Variants in PRDM1 observed in about 807,000 individuals in gnomAD.
PRDM1 encodes PR domain zinc finger protein 1.
In PRDM1, 13 loss-of-function variants were observed where a neutral mutation model predicts 62.8. That is an observed-to-expected ratio of 0.21 (90% CI 0.13 to 0.33). The LOEUF is 0.33. PRDM1 is among the 10% of genes least tolerant of loss of function. PRDM1 has a pLI of 1.00. For synonymous variants in PRDM1, 396 were observed against 417.6 expected (o/e 0.95, Z 0.63); for missense variants, 895 against 1,058.8 (o/e 0.85, Z 2.15).
chr6:106,006,436 G>A (rs1462952509), intron 1 of PRDM1, among the ~76,000 whole-genome samples: 4 of 148,352 alleles, frequency 2.7e-5, no homozygotes, highest in Non-Finnish European at 4.6e-5. Context: ...CATTAGTCTC[G>A]TGGGGTGAAC....
At chr6:106,084,521 T>C (rs1582456924), upstream of PRDM1, among the ~76,000 whole-genome samples, 1 of 152,220 alleles carries the variant, frequency 6.6e-6, no homozygotes, top group East Asian at 1.9e-4. Context: ...CATGGTTGAC[T>C]CACCAGCAGT....
At chr6:106,077,317 C>T (rs1051496521) in intron 1 of PRDM1, among the ~76,000 whole-genome samples, 1 of 152,118 alleles carries the variant, frequency 6.6e-6, no homozygotes, top group Non-Finnish European at 1.5e-5. Context: ...TTTCAGATAC[C>T]GATGATTATG....
chr6:106,102,226 T>C (rs1774292832), intron 4 of PRDM1, among the ~76,000 whole-genome samples: 1 of 152,208 alleles, frequency 6.6e-6, no homozygotes, highest in African/African-American at 2.4e-5. Flanking sequence ...CCTACAGCCA[T>C]TTAAGATTTC....
rs1363307757 is a variant in PRDM1 at position 105,994,643 on chromosome 6, C to A, written c.-67+1004C>A. ...TCTCGAGATAGGTTTAGAGCCCGTC[C>A]TTTTGTCTGGAGTGTCGCGGGACTC... On this transcript the variant is annotated intron_variant, in intron 1 of 6. Transcript: ENST00000652320. This position sits in a 1 kb window ranked among gnomAD's most constrained non-coding sequence, Gnocchi z 4.1. Among the ~76,000 whole-genome samples the A allele has an allele frequency of 6.6e-6, 1 of 152,176 alleles. No homozygotes were observed. Among genetic ancestry groups the A allele is most frequent in the Non-Finnish European group, 1.5e-5 (1 of 68,028 alleles).
intron 1 of PRDM1, among the ~76,000 whole-genome samples, chr6:106,049,195 A>C (rs1773131336): frequency 6.6e-6 from 1 of 152,184 alleles, no homozygotes; most frequent in Admixed American, 6.5e-5. Context: ...GAGAGAGAGA[A>C]CAGAGAGAAC....
chr6:106,109,002 CTATT>C lies in PRDM1; in HGVS notation c.*1520_*1523del, dbSNP rs1774602108. On this transcript the variant is annotated 3_prime_UTR_variant, in exon 7 of 7. Transcript: ENST00000369096. ...CAAAAAATGATGTATATTTATAAAT[CTATT>C]TATACCACTATATCATATGTATATA... The C allele has an allele frequency of 5.4e-6, 1 of 183,924 alleles. No homozygotes were observed. Among genetic ancestry groups the C allele is most frequent in the Non-Finnish European group, 1.1e-5 (1 of 91,294 alleles). 11.4% of individuals were successfully genotyped at this position (183,924 alleles called of 1,614,324 possible). A position where few individuals can be genotyped will look rare whatever the true frequency, so the allele number is the denominator to read the frequency against.
At chr6:106,095,536 A>T in intron 2 of PRDM1, 79 bp from the exon 3 acceptor site, 2 of 1,499,026 alleles carry the variant, frequency 1.3e-6, no homozygotes, top group Non-Finnish European at 1.8e-6. Flanking sequence ...ACTACTTGAC[A>T]GTCCAATTTA....
chr6:106,007,172 C>T (rs571128927), intron 1 of PRDM1, among the ~76,000 whole-genome samples: 103 of 152,056 alleles, frequency 6.8e-4, no homozygotes, highest in African/African-American at 2.4e-3. Context: ...TGGCTCACAC[C>T]TGTAATCCCA....
chr6:106,038,014 C>CTT (rs1227783243), intron 1 of PRDM1, among the ~76,000 whole-genome samples: 1,497 of 47,754 alleles, frequency 0.031, 426 homozygotes, highest in African/African-American at 0.11. Context: ...CTATTTTTGT[C>CTT]TTTTTTTTTT....
chr6:106,075,944 T>TA (rs1281522828), intron 1 of PRDM1, among the ~76,000 whole-genome samples: 60 of 146,894 alleles, frequency 4.1e-4, no homozygotes, highest in Admixed American at 7.4e-4. Flanking sequence ...CAGGGAAAAT[T>TA]AAAAAAAAAA....
Position 106,104,839 on chromosome 6 carries a change from A to C in PRDM1, c.679A>C (p.Ser227Arg). ...TMMNLTQTQS[S>R]LKQPSTEKNE... ...CTTTATTTCAGCACAAACACAGAGC[A>C]GTCTAAAGCAACCGAGCACTGAGAA... The change falls in exon 5 of 7, where the codon AGT becomes CGT. Residue 227 changes from serine to arginine, a missense_variant. This residue lies in a region of PRDM1 where 444 missense variants were observed against 422.7 expected (regional missense o/e 1.05). Transcript: ENST00000369096. 1.2e-6 allele frequency: 2 copies of C among 1,612,908 alleles called. No homozygotes were observed. The highest frequency in any genetic ancestry group is 1.7e-6 in the Non-Finnish European group (2 of 1,179,668).
intron 1 of PRDM1, among the ~76,000 whole-genome samples, chr6:106,002,508 G>A (rs1772438535): frequency 6.6e-6 from 1 of 152,050 alleles, no homozygotes; most frequent in African/African-American, 2.4e-5. Flanking sequence ...TCGTCCTTAA[G>A]GCATCTAATA....
upstream of PRDM1, among the ~76,000 whole-genome samples, chr6:106,044,294 A>C (rs2114577907): frequency 1.3e-5 from 2 of 148,662 alleles, no homozygotes; most frequent in African/African-American, 5.0e-5. Flanking sequence ...CTCTTTCTTG[A>C]ACTGTTTAGA....
chr6:106,033,076 T>C (rs2114568858), intron 1 of PRDM1, among the ~76,000 whole-genome samples: 1 of 152,274 alleles, frequency 6.6e-6, no homozygotes, highest in East Asian at 1.9e-4. Context: ...GGGTAGTTTT[T>C]TTTTTTCAAT....
intron 1 of PRDM1, among the ~76,000 whole-genome samples, chr6:106,058,456 G>A (rs892745558): frequency 2.0e-5 from 3 of 152,184 alleles, no homozygotes; most frequent in African/African-American, 7.2e-5. Context: ...GGGCTTAGGA[G>A]TTCAGCATGT....
chr6:106,039,743 T>C (rs1040614638), intron 1 of PRDM1, among the ~76,000 whole-genome samples: 1 of 152,248 alleles, frequency 6.6e-6, no homozygotes, highest in Admixed American at 6.5e-5. Context: ...TAAAATAAGC[T>C]AGTTTGTGAA....
intron 4 of PRDM1, among the ~76,000 whole-genome samples, chr6:106,104,268 A>G (rs1030440830): frequency 7.3e-5 from 11 of 150,656 alleles, no homozygotes; most frequent in South Asian, 2.1e-4. Context: ...CTGGAGTGCA[A>G]TGGCACAATC....
At chr6:106,009,449 A>G (rs757136947) in intron 1 of PRDM1, among the ~76,000 whole-genome samples, 1 of 152,166 alleles carries the variant, frequency 6.6e-6, no homozygotes, top group African/African-American at 2.4e-5. Flanking sequence ...TAGGCAAACA[A>G]TTCCCCCCAG....
chr6:106,004,654 A>G (rs1483866038), intron 1 of PRDM1, among the ~76,000 whole-genome samples: 1 of 152,186 alleles, frequency 6.6e-6, no homozygotes, highest in African/African-American at 2.4e-5. Context: ...CAAAATATGG[A>G]TTAATTTTTT....
Sources: allele counts gnomAD v4.1 joint callset (sites outside exome capture counted in the v4.1 genomes callset), GRCh38; gene constraint gnomAD v4.1.1; regional missense constraint gnomAD v4.1.1; non-coding constraint Gnocchi (gnomAD v3.1); transcripts MANE v1.5; gene names NCBI Gene and HGNC (gene_info 2026-07-23, HGNC 2026-07-21).